The following CABP1 variants were observed in gnomAD, a reference collection of about 807,000 sequenced individuals.
CABP1 encodes the protein calcium binding protein 1.
Under a neutral mutation model 34.3 loss-of-function variants are expected in CABP1, and 17 were observed. That is an observed-to-expected ratio of 0.50 (90% CI 0.34 to 0.74). The LOEUF is 0.74. Among genes scored for constraint, CABP1 ranks in the 30% least tolerant of loss-of-function variants. The pLI, the probability that CABP1 is intolerant of heterozygous loss-of-function variation, is 0.01. For synonymous variants in CABP1, 198 were observed against 229.2 expected, an observed-to-expected ratio of 0.86 and a Z score of 1.23; for missense variants, 373 against 511.1, an observed-to-expected ratio of 0.73 and a Z score of 2.61.
intron 1 of CABP1, among the ~76,000 whole-genome samples, chr12:120,654,008 A>G (rs1401490874): frequency 6.6e-6 from 1 of 151,602 alleles, no homozygotes; most frequent in African/African-American, 2.4e-5. Flanking sequence ...GCTTTGATCC[A>G]CTCTCCCAGA....
chr12:120,677,645 G>A, the CABP1 span, among the ~76,000 whole-genome samples: 3 of 152,104 alleles, frequency 2.0e-5, no homozygotes, highest in African/African-American at 2.4e-5. Flanking sequence ...GGGCTCAAGC[G>A]ATCCACCTGC....
At chr12:120,651,567 C>A (rs1278544015) in intron 1 of CABP1, among the ~76,000 whole-genome samples, 1 of 152,154 alleles carries the variant, frequency 6.6e-6, no homozygotes, top group Non-Finnish European at 1.5e-5. Context: ...CCAATTCTTC[C>A]ATTTTCCAGA....
At chr12:120,673,428 CA>C in the CABP1 span, among the ~76,000 whole-genome samples, 2 of 151,774 alleles carry the variant, frequency 1.3e-5, no homozygotes, top group Non-Finnish European at 2.9e-5. Flanking sequence ...ACTAAAAATA[CA>C]AAAAATTAGC....
chr12:120,650,620 G>A, intron 1 of CABP1: 1 of 1,613,902 alleles, frequency 6.2e-7, no homozygotes, highest in Non-Finnish European at 8.5e-7. Context: ...ATCCCAAGAG[G>A]GGCTGCCTCA....
chr12:120,673,475 G>C, the CABP1 span, among the ~76,000 whole-genome samples: 1 of 151,882 alleles, frequency 6.6e-6, no homozygotes, highest in Non-Finnish European at 1.5e-5. Flanking sequence ...TCCTAGCTAC[G>C]TGGGAGGCTG....
intron 1 of CABP1, among the ~76,000 whole-genome samples, chr12:120,645,305 G>A (rs963573225): frequency 1.3e-5 from 2 of 152,188 alleles, no homozygotes; most frequent in Admixed American, 6.5e-5. Context: ...GTGAGGGTCA[G>A]CTTGTGGTTA....
At position 120,652,844 on chromosome 12, in the gene CABP1, C is replaced by T. The variant is rs1879933866; in HGVS notation, c.655-7034C>T. On this transcript the variant is annotated intron_variant, in intron 1 of 5. Transcript: ENST00000316803. ...TTGCCCCTCCTGTTGCCATGCCACA[C>T]TTAGGAGACGTTGCCTTGGTGCCAG... Among the ~76,000 whole-genome samples the T allele has an allele frequency of 4.6e-5, 7 of 152,278 alleles. No homozygotes were observed. The South Asian group carries it at 1.5e-3, about 32-fold the overall frequency.
In CABP1 at chr12:120,660,871, G is replaced by A. The variant is rs774393866; in HGVS notation, c.939+31G>A. 20 of 1,529,400 alleles carry A rather than the reference G, an allele frequency of 1.3e-5. No homozygotes were observed. The highest frequency in any genetic ancestry group is 9.0e-5 in the South Asian group (8 of 89,276). 94.7% of individuals were successfully genotyped at this position (1,529,400 alleles called of 1,614,324 possible). A position where few individuals can be genotyped will look rare whatever the true frequency, so the allele number is the denominator to read the frequency against. On this transcript the variant is annotated intron_variant, in intron 4 of 5. Coordinates refer to ENST00000316803, the MANE Select transcript of CABP1 (RefSeq NM_001033677.2). The surrounding 1 kb of genome is among the most constrained non-coding windows in gnomAD (Gnocchi z 5.0). ...GGACAGAGGCAGGCAGGCATGGGGC[G>A]GCTATTGGAATCCTATCTGCAGTAT... is the stretch of plus-strand genomic sequence containing the variant.
the CABP1 span, among the ~76,000 whole-genome samples, chr12:120,679,594 G>A: frequency 3.9e-5 from 6 of 152,172 alleles, no homozygotes; most frequent in Admixed American, 2.0e-4. Flanking sequence ...TTGAGAAGCC[G>A]AGGTGGGCGG....
At chr12:120,659,772 C>A in intron 1 of CABP1, 106 bp from the exon 2 acceptor site, 1 of 985,994 alleles carries the variant, frequency 1.0e-6, no homozygotes, top group Non-Finnish European at 1.6e-6. Context: ...GCATCCTCGT[C>A]ACCTCCTACC....
the CABP1 span, among the ~76,000 whole-genome samples, chr12:120,677,906 T>A: frequency 6.6e-6 from 1 of 152,168 alleles, no homozygotes; most frequent in Non-Finnish European, 1.5e-5. Context: ...GTGACTCATA[T>A]CCTCTTGGGG....
chr12:120,649,522 A>G (rs904562648), intron 1 of CABP1, among the ~76,000 whole-genome samples: 1 of 152,166 alleles, frequency 6.6e-6, no homozygotes, highest in African/African-American at 2.4e-5. Flanking sequence ...CCAGTCATCT[A>G]AAAAGCTCCA....
At chr12:120,643,436 C>A (rs1052397914) in intron 1 of CABP1, among the ~76,000 whole-genome samples, 2 of 152,132 alleles carry the variant, frequency 1.3e-5, no homozygotes, top group South Asian at 2.1e-4. Context: ...GGGTCAGAAC[C>A]AAGAGAAGGC....
At chr12:120,644,805 G>C (rs1205301881) in intron 1 of CABP1, among the ~76,000 whole-genome samples, 1 of 152,070 alleles carries the variant, frequency 6.6e-6, no homozygotes, top group East Asian at 1.9e-4. Context: ...TAGCTCCTGT[G>C]GTTTGTTTGT....
rs3850512 is a variant in CABP1 at position 120,659,799 on chromosome 12, G to A, written c.655-79G>A. ...CCTCCTACCCAGTGCCTGCTGCCAC[G>A]TGGATGGCCCCCAGGTTAGGTATTT... On this transcript the variant is annotated intron_variant, in intron 1 of 5. Transcript: ENST00000316803. 7.3e-4 allele frequency: 1,040 copies of A among 1,414,990 alleles called. 8 individuals carry two copies. In the African/African-American group the frequency reaches 0.011, roughly 15 times the overall value. The allele number at this position is 1,414,990 out of a possible 1,614,324, so 87.7% of individuals were successfully genotyped here.
chr12:120,665,728 AAGAG>A (rs1031685357), intron 5 of CABP1, among the ~76,000 whole-genome samples: 1 of 151,964 alleles, frequency 6.6e-6, no homozygotes, highest in Admixed American at 6.6e-5. Flanking sequence ...CCCTTAAAAA[AAGAG>A]AGAGAGAGGC....
chr12:120,669,284 A>G (rs576767801), downstream of CABP1, among the ~76,000 whole-genome samples: 5 of 152,330 alleles, frequency 3.3e-5, 1 homozygote, highest in African/African-American at 1.2e-4. Context: ...TAATAATCCA[A>G]TTCTGAGACT....
intron 1 of CABP1, chr12:120,659,184 A>G (rs541619): frequency 0.43 from 65,203 of 152,152 alleles, 15,839 homozygotes; most frequent in African/African-American, 0.65. Context: ...CTGTGATCCC[A>G]TGACAGGGGA....
rs1423223521 is a variant in CABP1, at chr12:120,640,940, T to C, written c.255T>C (p.Ala85=). The change falls in exon 1 of 6, where the codon GCT becomes GCC. Residue 85 remains alanine, a synonymous_variant. Coordinates refer to ENST00000316803, the MANE Select transcript of CABP1 (RefSeq NM_001033677.2). This position sits in a 1 kb window ranked among gnomAD's most constrained non-coding sequence, Gnocchi z 6.2. ...CGGCGGCGAGCGGGGGCAGCCGGGC[T>C]CCCCGCCACGGCCCTGCCCGGGACC... ...AAAAASGGSR[A]PRHGPARDPG... 8.8e-7 allele frequency: 1 copy of C among 1,130,680 alleles called. No homozygotes were observed. The highest frequency in any genetic ancestry group is 1.1e-6 in the Non-Finnish European group (1 of 923,964). 70.0% of individuals were successfully genotyped at this position (1,130,680 alleles called of 1,614,324 possible).
Sources: allele counts gnomAD v4.1 joint callset (sites outside exome capture counted in the v4.1 genomes callset), GRCh38; gene constraint gnomAD v4.1.1; non-coding constraint Gnocchi (gnomAD v3.1); transcripts MANE v1.5; gene names NCBI Gene and HGNC (gene_info 2026-07-23, HGNC 2026-07-21).